The following ROBO1 variants were observed in gnomAD, a reference collection of about 807,000 sequenced individuals.
ROBO1 encodes roundabout guidance receptor 1, also known as roundabout homolog 1.
Under a neutral mutation model 195.9 loss-of-function variants are expected in ROBO1, and 149 were observed. The observed-to-expected ratio is 0.76, with a 90% CI of 0.67 to 0.87. The LOEUF (loss-of-function observed/expected upper bound fraction) is 0.87, where lower values mean the gene tolerates loss of function less well. Ranked by LOEUF, ROBO1 falls within the 40% of genes least tolerant of loss-of-function variation. The probability of loss-of-function intolerance (pLI) is 0.00; values close to 1 mark genes in which losing one functional copy is unlikely to be tolerated. For missense variants in ROBO1, 1,933 were observed against 2,068.3 expected (o/e 0.93, Z 1.27); for synonymous variants, 816 against 733.2 (o/e 1.11, Z -1.82).
chr3:79,546,968 T>A (rs910638500), intron 2 of ROBO1, among the ~76,000 whole-genome samples: 1 of 150,906 alleles, frequency 6.6e-6, no homozygotes, highest in African/African-American at 2.4e-5. Flanking sequence ...GATCACGAGG[T>A]CAGGAGATCA....
At chr3:78,806,105 G>A (rs1293856243) in intron 4 of ROBO1, among the ~76,000 whole-genome samples, 1 of 151,994 alleles carries the variant, frequency 6.6e-6, no homozygotes. Flanking sequence ...GACTGCAGGT[G>A]TGCACTACCA....
chr3:79,274,054 C>G (rs569602795), intron 2 of ROBO1, among the ~76,000 whole-genome samples: 1 of 152,080 alleles, frequency 6.6e-6, no homozygotes, highest in African/African-American at 2.4e-5. Flanking sequence ...TAGACCCCAA[C>G]ATAATAATAG....
chr3:79,384,074 T>C (rs2036657672), intron 2 of ROBO1, among the ~76,000 whole-genome samples: 1 of 152,008 alleles, frequency 6.6e-6, no homozygotes, highest in Non-Finnish European at 1.5e-5. Context: ...ATCTTGTCCA[T>C]TTAAAAACAA....
At chr3:78,889,743 C>T (rs913392779) in intron 4 of ROBO1, among the ~76,000 whole-genome samples, 2 of 148,024 alleles carry the variant, frequency 1.4e-5, no homozygotes, top group Admixed American at 6.7e-5. Context: ...TGGGGAAAGT[C>T]AGTCAGTAAA....
chr3:79,050,552 T>C (rs1339660939), intron 3 of ROBO1, among the ~76,000 whole-genome samples: 1 of 152,158 alleles, frequency 6.6e-6, no homozygotes, highest in Non-Finnish European at 1.5e-5. Flanking sequence ...GCGGACCTAA[T>C]AGACATCTAC....
At chr3:79,229,778 C>A (rs914244713) in intron 2 of ROBO1, among the ~76,000 whole-genome samples, 1 of 152,000 alleles carries the variant, frequency 6.6e-6, no homozygotes, top group African/African-American at 2.4e-5. Context: ...AAATTAAAGG[C>A]AATTTTTAGC....
chr3:79,479,257 G>A (rs137873773), intron 2 of ROBO1, among the ~76,000 whole-genome samples: 4 of 152,256 alleles, frequency 2.6e-5, no homozygotes, highest in African/African-American at 9.6e-5. Flanking sequence ...TGGGGTGATG[G>A]GGGAAATGGT....
chr3:78,673,359 A>G (rs1162709147), intron 10 of ROBO1, among the ~76,000 whole-genome samples: 2 of 150,320 alleles, frequency 1.3e-5, no homozygotes, highest in African/African-American at 2.4e-5. Flanking sequence ...TAGTGATGGT[A>G]TAAGCAGTGT....
Position 79,551,331 on chromosome 3 carries a change from TC to T in ROBO1, c.88+38492del, listed in dbSNP as rs1003167329. Among the ~76,000 whole-genome samples, 51 of 151,602 alleles carry T rather than the reference TC, an allele frequency of 3.4e-4. 2 individuals carry two copies. The highest frequency in any genetic ancestry group is 2.0e-3 in the Admixed American group (31 of 15,166). On this transcript the variant is annotated intron_variant, in intron 2 of 30. Transcript: ENST00000464233. Reference sequence around the variant, plus strand: ...TAGGTATATCTCCTAAAGCTATCCTTCCCCCCTCCCCCACCCCACAACTATC... The same window carrying T: ...TAGGTATATCTCCTAAAGCTATCCTTCCCCCTCCCCCACCCCACAACTATC...
intron 4 of ROBO1, among the ~76,000 whole-genome samples, chr3:78,751,793 A>G (rs2090860363): frequency 1.3e-5 from 2 of 152,264 alleles, no homozygotes; most frequent in African/African-American, 4.8e-5. Flanking sequence ...GCTAATTTTT[A>G]TCAATGCTTC....
intron 2 of ROBO1, among the ~76,000 whole-genome samples, chr3:79,585,157 G>A (rs1943789400): frequency 6.6e-6 from 1 of 151,774 alleles, no homozygotes; most frequent in South Asian, 2.1e-4. Context: ...AGGCAAAATT[G>A]TCTAAGGTTT....
At chr3:78,748,100 A>G (rs1404252118) in intron 4 of ROBO1, among the ~76,000 whole-genome samples, 2 of 152,200 alleles carry the variant, frequency 1.3e-5, no homozygotes, top group African/African-American at 4.8e-5. Flanking sequence ...AATGTTTATT[A>G]GTATGTTAAG....
intron 2 of ROBO1, among the ~76,000 whole-genome samples, chr3:79,408,707 G>T (rs2037650780): frequency 6.6e-6 from 1 of 151,952 alleles, no homozygotes; most frequent in Non-Finnish European, 1.5e-5. Context: ...ACCATTTTTT[G>T]AAACTTGCTT....
At chr3:79,283,835 C>T (rs1416688992) in intron 2 of ROBO1, among the ~76,000 whole-genome samples, 24 of 151,456 alleles carry the variant, frequency 1.6e-4, no homozygotes, top group Non-Finnish European at 3.2e-4. Flanking sequence ...GTAGCTGGGA[C>T]TACAGGCGCC....
intron 3 of ROBO1, among the ~76,000 whole-genome samples, chr3:79,056,866 CTCTG>C (rs1258802524): frequency 1.3e-5 from 2 of 151,892 alleles, no homozygotes; most frequent in Middle Eastern, 3.2e-3. Flanking sequence ...GTGTCAAAAA[CTCTG>C]TCTGTTTATC....
chr3:78,889,695 T>G (rs1345945844), intron 4 of ROBO1, among the ~76,000 whole-genome samples: 1 of 88,260 alleles, frequency 1.1e-5, no homozygotes. Flanking sequence ...GGAAGGAATA[T>G]AGAAAATAAC....
intron 4 of ROBO1, among the ~76,000 whole-genome samples, chr3:78,879,202 C>G (rs1378105353): frequency 1.3e-5 from 2 of 152,134 alleles, no homozygotes; most frequent in African/African-American, 2.4e-5. Context: ...AAACTGGATG[C>G]AGATATTTAT....
intron 4 of ROBO1, among the ~76,000 whole-genome samples, chr3:78,766,415 C>G (rs2108395976): frequency 6.6e-6 from 1 of 152,264 alleles, no homozygotes; most frequent in East Asian, 1.9e-4. Flanking sequence ...TCACATAAAG[C>G]TTGGTCGCTG....
chr3:78,743,680 C>T (rs1026813383), intron 5 of ROBO1, among the ~76,000 whole-genome samples: 15 of 152,112 alleles, frequency 9.9e-5, no homozygotes, highest in Non-Finnish European at 1.9e-4. Context: ...CTTGAGACGA[C>T]AGGTGTGGGG....
Sources: allele counts gnomAD v4.1 joint callset (sites outside exome capture counted in the v4.1 genomes callset), GRCh38; gene constraint gnomAD v4.1.1; transcripts MANE v1.5; gene names NCBI Gene and HGNC (gene_info 2026-07-23, HGNC 2026-07-21).